Variants in ARHGEF4 observed in about 807,000 individuals in gnomAD.
ARHGEF4 encodes APC-stimulated guanine nucleotide exchange factor 1.
ARHGEF4 carries 119 observed loss-of-function variants against 162.0 expected under a neutral mutation model. The ratio of observed to expected loss-of-function variants is 0.73; its 90% CI spans 0.63 to 0.86. ARHGEF4 has a LOEUF of 0.86. Ranked by LOEUF, ARHGEF4 falls within the 40% of genes least tolerant of loss-of-function variation. The probability of loss-of-function intolerance (pLI) is 0.00; values close to 1 mark genes in which losing one functional copy is unlikely to be tolerated. For missense variants in ARHGEF4, 2,488 were observed against 2,456.0 expected, an observed-to-expected ratio of 1.01 and a Z score of -0.28; for synonymous variants, 1,014 against 979.9, an observed-to-expected ratio of 1.03 and a Z score of -0.65.
intron 2 of ARHGEF4, among the ~76,000 whole-genome samples, chr2:130,922,817 G>A (rs1038242873): frequency 3.3e-5 from 5 of 150,552 alleles, no homozygotes; most frequent in African/African-American, 1.2e-4. Flanking sequence ...TCATCCATTT[G>A]TTTTGGGGTT....
At chr2:131,027,173 C>A (rs1689535401) in intron 4 of ARHGEF4, among the ~76,000 whole-genome samples, 1 of 152,152 alleles carries the variant, frequency 6.6e-6, no homozygotes, top group African/African-American at 2.4e-5. Context: ...AGCAGTACAG[C>A]CAACACACAA....
intron 4 of ARHGEF4, among the ~76,000 whole-genome samples, chr2:131,002,304 G>A (rs1687820290): frequency 6.6e-6 from 1 of 152,198 alleles, no homozygotes; most frequent in Non-Finnish European, 1.5e-5. Context: ...GGGGCCGGGC[G>A]CGGTGGCTCA....
At chr2:130,911,034 TGAGGAGTTTGCA>T (rs965673988) in intron 1 of ARHGEF4, among the ~76,000 whole-genome samples, 1 of 152,144 alleles carries the variant, frequency 6.6e-6, no homozygotes, top group African/African-American at 2.4e-5. Flanking sequence ...ACTGTGTTAT[TGAGGAGTTTGCA>T]GAGGGCAGAG....
intron 4 of ARHGEF4, among the ~76,000 whole-genome samples, chr2:131,009,733 C>A (rs916476472): frequency 6.6e-6 from 1 of 152,120 alleles, no homozygotes; most frequent in Non-Finnish European, 1.5e-5. Flanking sequence ...TTTCCTATTT[C>A]TTCATGCTTT....
chr2:131,023,402 C>T (rs968749988), intron 4 of ARHGEF4, among the ~76,000 whole-genome samples: 1 of 151,966 alleles, frequency 6.6e-6, no homozygotes, highest in Non-Finnish European at 1.5e-5. Context: ...CCCTGCACTC[C>T]AGCCTAGGCA....
At position 130,963,749 on chromosome 2, in the gene ARHGEF4, A is replaced by C. The variant is rs1211694664; in HGVS notation, c.3985+17114A>C. 3 of 146,690 alleles carry C rather than the reference A, an allele frequency of 2.0e-5. No individual in the cohort carries two copies. The East Asian group carries it at 6.0e-4, about 29-fold the overall frequency. 9.1% of individuals were successfully genotyped at this position (146,690 alleles called of 1,614,324 possible). A position where few individuals can be genotyped will look rare whatever the true frequency, so the allele number is the denominator to read the frequency against. ...GCCCGCCGGGCGGCCGGTAGTGGGC[A>C]GCGAGCTGACGCGCTGCGCTCTGCC... On this transcript the variant is annotated intron_variant, in intron 4 of 13. Transcript: ENST00000409359.
In ARHGEF4 at chr2:130,860,667, G is replaced by A. The variant is rs531702009; in HGVS notation, c.39+23675G>A. ...GAAGCTTGCGGTGAGCCGAGATCGC[G>A]TCACTGCACTCCAGCCTGGGCGACA... On this transcript the variant is annotated intron_variant, in intron 1 of 13. Transcript: ENST00000409359. Among the ~76,000 whole-genome samples the A allele has an allele frequency of 9.3e-5, 11 of 118,484 alleles. 2 individuals are homozygous for A. The highest frequency in any genetic ancestry group is 1.4e-4 in the Non-Finnish European group (9 of 62,262). 77.7% of individuals were successfully genotyped at this position (118,484 alleles called of 152,430 possible). A position where few individuals can be genotyped will look rare whatever the true frequency, so the allele number is the denominator to read the frequency against.
At chr2:131,001,246 T>C (rs1687738021) in intron 4 of ARHGEF4, among the ~76,000 whole-genome samples, 1 of 133,380 alleles carries the variant, frequency 7.5e-6, no homozygotes, top group African/African-American at 2.9e-5. Flanking sequence ...GAAGTTGCAG[T>C]GAGCTGAGAT....
Position 131,040,458 on chromosome 2 carries a change from G to A in ARHGEF4, c.4662+18G>A. Reference sequence around the variant, plus strand: ...TGGAGCATGTGAGCGCGCGGCCCCCGGCCCCTACCTGGGCGCTGCGTTCAC... The same window carrying A: ...TGGAGCATGTGAGCGCGCGGCCCCCAGCCCCTACCTGGGCGCTGCGTTCAC... On this transcript the variant is annotated intron_variant, in intron 8 of 13. Transcript: ENST00000409359. 1 of 1,540,744 alleles carries A rather than the reference G, an allele frequency of 6.5e-7. No individual in the cohort carries two copies. Among genetic ancestry groups the A allele is most frequent in the South Asian group, 1.2e-5 (1 of 82,300 alleles).
intron 4 of ARHGEF4, among the ~76,000 whole-genome samples, chr2:130,979,887 T>G (rs1285823743): frequency 6.6e-6 from 1 of 152,066 alleles, no homozygotes; most frequent in Non-Finnish European, 1.5e-5. Context: ...ATAAAATGTT[T>G]ACGCTTTGAT....
chr2:130,856,035 T>G (rs1205171478), intron 1 of ARHGEF4, among the ~76,000 whole-genome samples: 1 of 152,216 alleles, frequency 6.6e-6, no homozygotes, highest in Non-Finnish European at 1.5e-5. Flanking sequence ...AATATCTTTT[T>G]GAAGGGGTGT....
chr2:130,987,486 G>A (rs1021351292), intron 4 of ARHGEF4, among the ~76,000 whole-genome samples: 2 of 152,202 alleles, frequency 1.3e-5, no homozygotes, highest in Admixed American at 6.5e-5. Context: ...GCTTCTGGTT[G>A]CTGGTGGCCA....
intron 1 of ARHGEF4, among the ~76,000 whole-genome samples, chr2:130,848,191 G>A (rs1288544199): frequency 6.6e-6 from 1 of 152,190 alleles, no homozygotes; most frequent in African/African-American, 2.4e-5. Flanking sequence ...CCTCAGAGGG[G>A]CTGCAGCAGG....
intron 2 of ARHGEF4, among the ~76,000 whole-genome samples, chr2:130,923,887 T>TC (rs1464307144): frequency 7.3e-6 from 1 of 137,880 alleles, no homozygotes; most frequent in Non-Finnish European, 1.5e-5. Flanking sequence ...TTTCTTTTCT[T>TC]TTTTTTTTTT....
intron 10 of ARHGEF4, 77 bp from the exon 11 acceptor site, chr2:131,043,375 C>A: frequency 6.3e-7 from 1 of 1,589,178 alleles, no homozygotes; most frequent in Non-Finnish European, 8.6e-7. Flanking sequence ...GGTGCGCCAC[C>A]CACCCATGAT....
intron 4 of ARHGEF4, among the ~76,000 whole-genome samples, chr2:130,990,263 AAC>A (rs1686853467): frequency 2.0e-5 from 3 of 152,206 alleles, no homozygotes; most frequent in South Asian, 4.1e-4. Flanking sequence ...ATGTCTTACA[AAC>A]AGTTTGAAGA....
chr2:131,037,054 C>A (rs1306221642), intron 5 of ARHGEF4, among the ~76,000 whole-genome samples: 3 of 152,148 alleles, frequency 2.0e-5, no homozygotes, highest in Non-Finnish European at 2.9e-5. Context: ...GGAATGAGAG[C>A]AGTGGCCCCC....
At chr2:130,983,944 C>A (rs556545162) in intron 4 of ARHGEF4, among the ~76,000 whole-genome samples, 9 of 152,206 alleles carry the variant, frequency 5.9e-5, no homozygotes, top group Non-Finnish European at 1.0e-4. Context: ...CCACAATGCC[C>A]GGCCTGAGTG....
At chr2:130,917,632 C>T (rs759966023) in intron 2 of ARHGEF4, 134 bp downstream of exon 2, 119 of 1,155,964 alleles carry the variant, frequency 1.0e-4, no homozygotes, top group Non-Finnish European at 1.2e-4. Context: ...ACACTCCCAG[C>T]CGCCCCCCCT....
Sources: gnomAD v4.1 joint callset for allele counts (sites outside exome capture counted in the v4.1 genomes callset) on GRCh38, gnomAD v4.1.1 for gene constraint, MANE v1.5 for transcripts, NCBI Gene and HGNC (gene_info 2026-07-23, HGNC 2026-07-21) for gene names.